The following NPY2R variants were observed in gnomAD, a reference collection of about 807,000 sequenced individuals.
NPY2R encodes neuropeptide Y receptor Y2, also known as neuropeptide Y receptor type 2.
A neutral mutation model predicts 22.3 loss-of-function variants in NPY2R; 17 were observed. The observed-to-expected ratio is 0.76, with a 90% CI of 0.52 to 1.14. The LOEUF is 1.14. Among genes scored for constraint, NPY2R ranks in the 50% most tolerant of loss-of-function variants. The pLI is 0.00. For synonymous variants in NPY2R, 209 were observed against 183.4 expected (o/e 1.14, Z -1.13); for missense variants, 424 against 467.9 (o/e 0.91, Z 0.87).
At chr4:155,192,547 AT>A in the NPY2R span, among the ~76,000 whole-genome samples, 1 of 151,920 alleles carries the variant, frequency 6.6e-6, no homozygotes, top group Non-Finnish European at 1.5e-5. Flanking sequence ...ATAATATGCA[AT>A]TTTCTATAGA....
At chr4:155,178,265 G>T in the NPY2R span, among the ~76,000 whole-genome samples, 4 of 152,148 alleles carry the variant, frequency 2.6e-5, no homozygotes, top group Admixed American at 6.6e-5. Flanking sequence ...TAGGTTAACA[G>T]CTCTCCTGGA....
the NPY2R span, among the ~76,000 whole-genome samples, chr4:155,178,556 T>G: frequency 2.0e-5 from 3 of 152,226 alleles, no homozygotes; most frequent in African/African-American, 7.2e-5. Context: ...TTTGGTTTTC[T>G]GTCTACTTGT....
At chr4:155,179,413 G>A in the NPY2R span, among the ~76,000 whole-genome samples, 8 of 152,120 alleles carry the variant, frequency 5.3e-5, no homozygotes, top group Middle Eastern at 3.2e-3. Flanking sequence ...AGTTACTTGA[G>A]GGACAGTTTG....
At chr4:155,178,756 T>A in the NPY2R span, among the ~76,000 whole-genome samples, 41 of 152,334 alleles carry the variant, frequency 2.7e-4, no homozygotes, top group African/African-American at 8.9e-4. Flanking sequence ...TCCCCCTTTG[T>A]CTATGCTAAA....
upstream of NPY2R, among the ~76,000 whole-genome samples, chr4:155,206,302 C>T (rs886333472): frequency 3.9e-5 from 6 of 152,182 alleles, no homozygotes; most frequent in African/African-American, 1.2e-4. Context: ...TTGGATTAAT[C>T]GATATTTCAC....
chr4:155,191,908 A>G, the NPY2R span, among the ~76,000 whole-genome samples: 1 of 151,904 alleles, frequency 6.6e-6, no homozygotes, highest in African/African-American at 2.4e-5. Flanking sequence ...TTTATTTTAA[A>G]AGGTTGTTTG....
At chr4:155,185,030 C>CTATA in the NPY2R span, among the ~76,000 whole-genome samples, 25 of 97,040 alleles carry the variant, frequency 2.6e-4, no homozygotes, top group African/African-American at 8.6e-4. Context: ...TTAGGTACAA[C>CTATA]TATATATATA....
At chr4:155,190,842 A>G in the NPY2R span, among the ~76,000 whole-genome samples, 1 of 151,932 alleles carries the variant, frequency 6.6e-6, no homozygotes, top group African/African-American at 2.4e-5. Flanking sequence ...GGGGAAAATA[A>G]GCAAATTGGT....
Position 155,210,847 on chromosome 4 carries a change from A to G in NPY2R, c.-49+1778A>G, listed in dbSNP as rs535173032. Among the ~76,000 whole-genome samples the G allele has an allele frequency of 2.0e-5, 3 of 152,320 alleles. No homozygotes were observed. In the East Asian group the frequency reaches 5.8e-4, roughly 29 times the overall value. The stretch of plus-strand genomic sequence containing the variant: ...GGAAAGATGCGGAAAGAGAAAAAAA[A>G]GTGAGATAAATGGAGCGGGAGAAAG... On this transcript the variant is annotated intron_variant, in intron 1 of 1. Transcript: ENST00000329476.
At chr4:155,202,134 T>G in the NPY2R span, among the ~76,000 whole-genome samples, 2 of 152,186 alleles carry the variant, frequency 1.3e-5, no homozygotes, top group African/African-American at 2.4e-5. Flanking sequence ...ATATCCCAGT[T>G]AAATGCAATG....
At chr4:155,184,327 A>ATCTTTGTACCTATTCTT in the NPY2R span, among the ~76,000 whole-genome samples, 1 of 152,320 alleles carries the variant, frequency 6.6e-6, no homozygotes, top group African/African-American at 2.4e-5. Context: ...TCCAAAGTTA[A>ATCTTTGTACCTATTCTT]TCTTTGTACC....
upstream of NPY2R, chr4:155,207,704 CG>C (rs988145111): frequency 6.0e-4 from 92 of 152,378 alleles, no homozygotes; most frequent in African/African-American, 2.2e-3. Context: ...TGGGCATTAG[CG>C]GAAGGCTTCA....
the NPY2R span, among the ~76,000 whole-genome samples, chr4:155,174,548 T>A: frequency 1.3e-5 from 2 of 149,718 alleles, no homozygotes; most frequent in African/African-American, 4.9e-5. Flanking sequence ...TATATTTCAC[T>A]CAGTAAACAG....
At chr4:155,176,382 C>T in the NPY2R span, among the ~76,000 whole-genome samples, 1 of 152,148 alleles carries the variant, frequency 6.6e-6, no homozygotes, top group Admixed American at 6.6e-5. Flanking sequence ...TGGCTTTCTT[C>T]TCGGGCGGGG....
chr4:155,187,668 A>G, the NPY2R span, among the ~76,000 whole-genome samples: 24 of 152,258 alleles, frequency 1.6e-4, no homozygotes, highest in Middle Eastern at 3.4e-3. Context: ...AAATGTAAAA[A>G]TAAAATAAAC....
In NPY2R at chr4:155,215,273, T is replaced by C. The variant is rs1729492574; in HGVS notation, c.*188T>C. 1.5e-6 allele frequency: 1 copy of C among 683,956 alleles called. No individual in the cohort carries two copies. The highest frequency in any genetic ancestry group is 2.3e-5 in the Admixed American group (1 of 44,232). The allele number at this position is 683,956 out of a possible 1,614,324, so 42.4% of individuals were successfully genotyped here. ...GTGTGAAAATACTGGAATTCAAAGA[T>C]AAGGCAACAAAATGGTTTACTTAAC... On this transcript the variant is annotated 3_prime_UTR_variant, in exon 2 of 2. Coordinates refer to ENST00000329476, the MANE Select transcript of NPY2R (RefSeq NM_000910.4).
chr4:155,181,672 C>T, the NPY2R span, among the ~76,000 whole-genome samples: 1 of 152,276 alleles, frequency 6.6e-6, no homozygotes, highest in African/African-American at 2.4e-5. Flanking sequence ...CACTTATGCA[C>T]CAGAAAGTGG....
the NPY2R span, among the ~76,000 whole-genome samples, chr4:155,199,604 CT>C: frequency 6.6e-6 from 1 of 152,108 alleles, no homozygotes; most frequent in Non-Finnish European, 1.5e-5. Context: ...ATCATACTAC[CT>C]GACTTCAAAC....
chr4:155,178,388 T>C, the NPY2R span, among the ~76,000 whole-genome samples: 2,366 of 152,334 alleles, frequency 0.016, 54 homozygotes, highest in African/African-American at 0.053. Context: ...ATTCTTTTAA[T>C]TTTATTGAGA....
Sources: allele counts gnomAD v4.1 joint callset (sites outside exome capture counted in the v4.1 genomes callset), GRCh38; gene constraint gnomAD v4.1.1; transcripts MANE v1.5; gene names NCBI Gene and HGNC (gene_info 2026-07-23, HGNC 2026-07-21).